The following SRBD1 variants were observed in gnomAD, a reference collection of about 807,000 sequenced individuals.
SRBD1 encodes the protein S1 RNA-binding domain-containing protein 1.
In SRBD1, 88 loss-of-function variants were observed where a neutral mutation model predicts 115.3. The observed-to-expected ratio is 0.76, with a 90% CI of 0.64 to 0.91. The LOEUF (loss-of-function observed/expected upper bound fraction) is 0.91. Among genes scored for constraint, SRBD1 ranks in the 40% least tolerant of loss-of-function variants. The pLI, the probability that SRBD1 is intolerant of heterozygous loss-of-function variation, is 0.00. For synonymous variants in SRBD1, 509 were observed against 407.7 expected, an observed-to-expected ratio of 1.25 and a Z score of -2.99; for missense variants, 1,385 against 1,177.4, an observed-to-expected ratio of 1.18 and a Z score of -2.58.
chr2:45,425,451 C>A (rs1316668675), intron 16 of SRBD1, among the ~76,000 whole-genome samples: 1 of 151,998 alleles, frequency 6.6e-6, no homozygotes, highest in African/African-American at 2.4e-5. Context: ...GTGACTTGTA[C>A]AAATAAATTA....
At chr2:45,500,501 C>G (rs575347891) in intron 14 of SRBD1, among the ~76,000 whole-genome samples, 1 of 151,886 alleles carries the variant, frequency 6.6e-6, no homozygotes, top group Non-Finnish European at 1.5e-5. Context: ...CGGCTCACTA[C>G]AACCTCCACC....
At chr2:45,607,186 G>A (rs1247959704) in intron 1 of SRBD1, among the ~76,000 whole-genome samples, 1 of 152,158 alleles carries the variant, frequency 6.6e-6, no homozygotes, top group African/African-American at 2.4e-5. Context: ...GATCATGAAA[G>A]AACAGGTAAT....
At chr2:45,572,005 A>ACC (rs1388090774) in intron 9 of SRBD1, among the ~76,000 whole-genome samples, 1 of 152,128 alleles carries the variant, frequency 6.6e-6, no homozygotes, top group Non-Finnish European at 1.5e-5. Context: ...TTGATGAAAA[A>ACC]CATTAATCTA....
intron 19 of SRBD1, among the ~76,000 whole-genome samples, chr2:45,404,934 C>T (rs1487331903): frequency 6.6e-6 from 1 of 152,102 alleles, no homozygotes; most frequent in Non-Finnish European, 1.5e-5. Context: ...GGCTCCTCTT[C>T]CTGGAACTCT....
chr2:45,497,399 A>T (rs1670492717), intron 14 of SRBD1, among the ~76,000 whole-genome samples: 3 of 152,234 alleles, frequency 2.0e-5, no homozygotes, highest in Non-Finnish European at 4.4e-5. Flanking sequence ...GAATGTACAT[A>T]AACGGTACCA....
At chr2:45,534,046 A>AT (rs1174897747) in intron 14 of SRBD1, among the ~76,000 whole-genome samples, 2 of 152,024 alleles carry the variant, frequency 1.3e-5, no homozygotes, top group Non-Finnish European at 2.9e-5. Flanking sequence ...TCCTGCAGAT[A>AT]TTTAAATTGG....
At chr2:45,429,103 G>A (rs1015387150) in intron 16 of SRBD1, among the ~76,000 whole-genome samples, 1 of 152,098 alleles carries the variant, frequency 6.6e-6, no homozygotes, top group Non-Finnish European at 1.5e-5. Context: ...CCAGGAAAAA[G>A]TCGAATCCCT....
At chr2:45,434,932 C>T (rs868215231) in intron 16 of SRBD1, among the ~76,000 whole-genome samples, 1 of 152,044 alleles carries the variant, frequency 6.6e-6, no homozygotes, top group South Asian at 2.1e-4. Flanking sequence ...CCCCCCACCC[C>T]ACGACAGGCC....
intron 19 of SRBD1, 61 bp downstream of exon 19, chr2:45,413,053 C>T (rs915848455): frequency 7.9e-6 from 12 of 1,519,462 alleles, no homozygotes; most frequent in Non-Finnish European, 1.1e-5. Flanking sequence ...AAAACAAAGG[C>T]CATTTGCTGT....
intron 16 of SRBD1, among the ~76,000 whole-genome samples, chr2:45,430,209 A>G (rs1297811252): frequency 2.0e-5 from 3 of 152,200 alleles, no homozygotes; most frequent in African/African-American, 7.2e-5. Context: ...AAATGGCCAT[A>G]CTGCCCTAAG....
chr2:45,473,647 A>C (rs1669717785), intron 16 of SRBD1, among the ~76,000 whole-genome samples: 1 of 152,142 alleles, frequency 6.6e-6, no homozygotes, highest in Non-Finnish European at 1.5e-5. Context: ...ATCTTCTATC[A>C]TTTATTTTTT....
At chr2:45,395,073 C>T (rs1667105733) in intron 19 of SRBD1, among the ~76,000 whole-genome samples, 1 of 152,278 alleles carries the variant, frequency 6.6e-6, no homozygotes, top group Non-Finnish European at 1.5e-5. Flanking sequence ...CAACCTCTGC[C>T]GAAATCCAAC....
intron 18 of SRBD1, among the ~76,000 whole-genome samples, chr2:45,414,256 C>G (rs1360464999): frequency 6.6e-6 from 1 of 151,998 alleles, no homozygotes; most frequent in South Asian, 2.1e-4. Flanking sequence ...TAACCCATAC[C>G]AAGCTCTAAA....
intron 3 of SRBD1, among the ~76,000 whole-genome samples, chr2:45,600,884 T>A (rs1200183331): frequency 6.6e-6 from 1 of 152,204 alleles, no homozygotes; most frequent in Non-Finnish European, 1.5e-5. Context: ...CTATTAAAAA[T>A]ATTAAGAACT....
intron 9 of SRBD1, among the ~76,000 whole-genome samples, chr2:45,571,962 T>C (rs1362192934): frequency 1.3e-5 from 2 of 152,134 alleles, no homozygotes; most frequent in Non-Finnish European, 2.9e-5. Context: ...AGAAAGGATA[T>C]TTTTTAAAAT....
chr2:45,480,929 G>A (rs1393880650), intron 15 of SRBD1, among the ~76,000 whole-genome samples: 2 of 152,172 alleles, frequency 1.3e-5, no homozygotes, highest in Non-Finnish European at 2.9e-5. Context: ...CCTTTTGTGA[G>A]AGGAGAGTCC....
chr2:45,559,125 T>A (rs1672578025), intron 10 of SRBD1, among the ~76,000 whole-genome samples: 1 of 152,192 alleles, frequency 6.6e-6, no homozygotes, highest in Non-Finnish European at 1.5e-5. Flanking sequence ...TATTCCCTAT[T>A]GCTACCACCC....
At chr2:45,593,172 A>G (rs1445401909) in intron 4 of SRBD1, among the ~76,000 whole-genome samples, 1 of 152,198 alleles carries the variant, frequency 6.6e-6, no homozygotes, top group African/African-American at 2.4e-5. Context: ...ATTCCTCTAT[A>G]GAGTCTATTA....
chr2:45,572,450 T>A (rs1188762644), intron 9 of SRBD1, among the ~76,000 whole-genome samples: 1 of 152,132 alleles, frequency 6.6e-6, no homozygotes, highest in East Asian at 1.9e-4. Flanking sequence ...ATGTTCATCT[T>A]ACCACAATTA....
Sources: allele counts gnomAD v4.1 joint callset (sites outside exome capture counted in the v4.1 genomes callset), GRCh38; gene constraint gnomAD v4.1.1; transcripts MANE v1.5; gene names NCBI Gene and HGNC (gene_info 2026-07-23, HGNC 2026-07-21).